Variants in CNTN4 observed in about 807,000 individuals in gnomAD.
The protein encoded by CNTN4 is contactin-4.
Under a neutral mutation model 122.5 loss-of-function variants are expected in CNTN4, and 77 were observed. That is an observed-to-expected ratio of 0.63 (90% CI 0.52 to 0.76). The LOEUF is 0.76. CNTN4 is among the 30% of genes least tolerant of loss of function. The probability of loss-of-function intolerance (pLI) is 0.00; values close to 1 mark genes in which losing one functional copy is unlikely to be tolerated. For synonymous variants in CNTN4, 512 were observed against 447.0 expected, an observed-to-expected ratio of 1.15 and a Z score of -1.83; for missense variants, 1,256 against 1,259.1, an observed-to-expected ratio of 1.00 and a Z score of 0.04.
intron 6 of CNTN4, among the ~76,000 whole-genome samples, chr3:2,815,709 T>G: frequency 6.6e-6 from 1 of 152,080 alleles, no homozygotes; most frequent in East Asian, 1.9e-4. Context: ...GAACTACCAT[T>G]TGATCCAGCA....
chr3:3,047,416 C>A (rs1358243359), intron 23 of CNTN4, among the ~76,000 whole-genome samples: 2 of 152,082 alleles, frequency 1.3e-5, no homozygotes, highest in Admixed American at 6.6e-5. Flanking sequence ...ATAGAAATTA[C>A]AACAAACTGT....
At chr3:2,990,563 G>A (rs1694962548) in intron 14 of CNTN4, among the ~76,000 whole-genome samples, 2 of 152,184 alleles carry the variant, frequency 1.3e-5, no homozygotes, top group Non-Finnish European at 2.9e-5. Flanking sequence ...TTGGCAGAAA[G>A]GAGAGGCCTC....
chr3:2,807,066 T>G (rs777778727), intron 6 of CNTN4, among the ~76,000 whole-genome samples: 2 of 152,210 alleles, frequency 1.3e-5, no homozygotes, highest in Non-Finnish European at 2.9e-5. Context: ...TGTTTTGTTT[T>G]GTCAGTGATA....
intron 13 of CNTN4, among the ~76,000 whole-genome samples, chr3:2,987,943 A>T (rs535926869): frequency 6.6e-6 from 1 of 152,364 alleles, no homozygotes; most frequent in South Asian, 2.1e-4. Context: ...AACACTTTCA[A>T]TGAAAAGACT....
At position 3,014,879 on chromosome 3, in the gene CNTN4, G is replaced by GTTTTTTTTTTTTTTTT. The variant is rs5846238; in HGVS notation, c.1487-11220_1487-11205dup. On this transcript the variant is annotated intron_variant, in intron 14 of 24. Transcript: ENST00000418658. ...TTTATACTTGCGTGACCCTCGATTG[G>GTTTTTTTTTTTTTTTT]TTTTTTTTTTTTTTTTTTCTCTTTG... is the stretch of plus-strand genomic sequence containing the variant. Among the ~76,000 whole-genome samples, 6 of 121,544 alleles carry GTTTTTTTTTTTTTTTT rather than the reference G, an allele frequency of 4.9e-5. 1 individual carries two copies. Among genetic ancestry groups the GTTTTTTTTTTTTTTTT allele is most frequent in the African/African-American group, 9.5e-5 (3 of 31,680 alleles). The allele number at this position is 121,544 out of a possible 152,430, so 79.7% of individuals were successfully genotyped here.
intron 13 of CNTN4, among the ~76,000 whole-genome samples, chr3:2,939,484 T>C (rs917141110): frequency 6.6e-6 from 1 of 152,278 alleles, no homozygotes; most frequent in Non-Finnish European, 1.5e-5. Context: ...AACAACATGA[T>C]TATATCATGG....
intron 6 of CNTN4, among the ~76,000 whole-genome samples, chr3:2,795,194 C>T (rs2092132479): frequency 6.6e-6 from 1 of 152,140 alleles, no homozygotes; most frequent in African/African-American, 2.4e-5. Flanking sequence ...GAAAAAGTTA[C>T]TGTTTTGAAA....
chr3:2,438,150 C>T (rs1213384100), intron 3 of CNTN4, among the ~76,000 whole-genome samples: 8 of 152,194 alleles, frequency 5.3e-5, no homozygotes, highest in Admixed American at 2.0e-4. Flanking sequence ...TGTTCCCTTT[C>T]GCCCTTTATT....
At chr3:2,999,337 T>C (rs1318197532) in intron 14 of CNTN4, among the ~76,000 whole-genome samples, 2 of 152,222 alleles carry the variant, frequency 1.3e-5, no homozygotes, top group Admixed American at 6.5e-5. Flanking sequence ...GTGGGGAAGA[T>C]AGAAGAATCT....
At chr3:2,590,492 A>G (rs2080418611) in intron 4 of CNTN4, among the ~76,000 whole-genome samples, 1 of 151,696 alleles carries the variant, frequency 6.6e-6, no homozygotes, top group Admixed American at 6.6e-5. Context: ...CCTAACCTCA[A>G]GTGATCTGCC....
At chr3:2,713,306 C>T (rs1408903660) in intron 4 of CNTN4, among the ~76,000 whole-genome samples, 1 of 152,136 alleles carries the variant, frequency 6.6e-6, no homozygotes, top group Non-Finnish European at 1.5e-5. Flanking sequence ...TCACAGAAGT[C>T]TTCTGTGTTG....
At chr3:2,631,193 A>G (rs1186346796) in intron 4 of CNTN4, among the ~76,000 whole-genome samples, 1 of 152,206 alleles carries the variant, frequency 6.6e-6, no homozygotes, top group Non-Finnish European at 1.5e-5. Context: ...AAATTAGCTT[A>G]AGGGGGAAAA....
intron 3 of CNTN4, among the ~76,000 whole-genome samples, chr3:2,359,625 C>T (rs537595255): frequency 1.3e-5 from 2 of 152,116 alleles, no homozygotes; most frequent in Admixed American, 6.5e-5. Flanking sequence ...CTGCAAGCCC[C>T]GCCTCCCGAA....
chr3:2,896,005 T>C (rs1373691608), intron 10 of CNTN4, among the ~76,000 whole-genome samples: 8 of 152,096 alleles, frequency 5.3e-5, no homozygotes, highest in Admixed American at 3.3e-4. Flanking sequence ...CGCACTCTGG[T>C]CTGGGCGACA....
At position 3,056,230 on chromosome 3, in the gene CNTN4, T is replaced by G; in HGVS notation, c.*10T>G. The stretch of plus-strand genomic sequence containing the variant: ...TAGGTCCAGTTTATGACAAAAGTTA[T>G]CTGAAGGACTTGCTGTTTATAATAT... On this transcript the variant is annotated 3_prime_UTR_variant, in exon 25 of 25. Coordinates refer to ENST00000418658, the MANE Select transcript of CNTN4 (RefSeq NM_175607.3). The G allele has an allele frequency of 2.5e-6, 4 of 1,591,644 alleles. No individual in the cohort carries two copies. The highest frequency in any genetic ancestry group is 3.4e-6 in the Non-Finnish European group (4 of 1,159,446).
rs148572370 is a variant in CNTN4 at position 2,566,830 on chromosome 3, G to A, written c.-88-4586G>A. 1.7e-3 allele frequency among the ~76,000 whole-genome samples: 257 copies of A among 152,262 alleles called. 2 individuals are homozygous for A. The highest frequency in any genetic ancestry group is 5.8e-4 in the East Asian group (3 of 5,176). On this transcript the variant is annotated intron_variant, in intron 3 of 24. Coordinates refer to ENST00000418658, the MANE Select transcript of CNTN4 (RefSeq NM_175607.3). ...GGAAGAACTCAGTGTGCGTGAATCC[G>A]TGTTTTCCCACTCTGTCTTGCTGCT...
At chr3:2,557,397 G>C (rs1244911713) in intron 3 of CNTN4, among the ~76,000 whole-genome samples, 1 of 152,192 alleles carries the variant, frequency 6.6e-6, no homozygotes, top group Non-Finnish European at 1.5e-5. Context: ...TAGCATACAA[G>C]AAGTACAAAA....
Position 2,710,009 on chromosome 3 carries a change from A to G in CNTN4, c.56-26206A>G, listed in dbSNP as rs140237624. ...TGTTAACATTTTAAATTGTCGCTCT[A>G]TAGATGTCATTAGTTTTCCTCTTGA... On this transcript the variant is annotated intron_variant, in intron 4 of 24. Coordinates refer to ENST00000418658, the MANE Select transcript of CNTN4 (RefSeq NM_175607.3). 3.4e-3 allele frequency among the ~76,000 whole-genome samples: 517 copies of G among 152,354 alleles called. 6 individuals carry two copies. The highest frequency in any genetic ancestry group is 0.011 in the African/African-American group (478 of 41,586).
At chr3:2,259,172 C>T (rs1281603523) in intron 2 of CNTN4, among the ~76,000 whole-genome samples, 1 of 151,928 alleles carries the variant, frequency 6.6e-6, no homozygotes. Context: ...CCTGGCTATG[C>T]ACTTGCTTTT....
Sources: gnomAD v4.1 joint callset for allele counts (sites outside exome capture counted in the v4.1 genomes callset) on GRCh38, gnomAD v4.1.1 for gene constraint, MANE v1.5 for transcripts, NCBI Gene and HGNC (gene_info 2026-07-23, HGNC 2026-07-21) for gene names.